TFE3: variants seen among roughly 807,000 people sequenced by gnomAD.
TFE3 encodes the protein transcription factor E3.
Under a neutral mutation model 35.0 loss-of-function variants are expected in TFE3, and 5 were observed. The observed-to-expected ratio is 0.14, with a 90% CI of 0.07 to 0.30. The LOEUF (loss-of-function observed/expected upper bound fraction) is 0.30, where lower values mean the gene tolerates loss of function less well. Ranked by LOEUF, TFE3 falls within the 10% of genes least tolerant of loss-of-function variation. The probability of loss-of-function intolerance (pLI) is 1.00; values close to 1 mark genes in which losing one functional copy is unlikely to be tolerated. For synonymous variants in TFE3, 211 were observed against 215.6 expected, an observed-to-expected ratio of 0.98 and a Z score of 0.18; for missense variants, 374 against 496.6, an observed-to-expected ratio of 0.75 and a Z score of 2.35.
At chrX:49,040,656 G>C (rs7056903) in intron 1 of TFE3, 88 bp from the exon 2 acceptor site, 8,086 of 644,750 alleles carry the variant, frequency 0.013, 49 homozygotes, top group Non-Finnish European at 0.015. Context: ...AGAGAGAGAG[G>C]GGGGGAGAAC....
chrX:49,043,165 G>A lies in TFE3; in HGVS notation c.62C>T (p.Ala21Val), dbSNP rs1557076000. The A allele has an allele frequency of 3.4e-6, 4 of 1,190,941 alleles. No homozygotes were observed. Among genetic ancestry groups the A allele is most frequent in the Non-Finnish European group, 4.5e-6 (4 of 887,805 alleles). The change falls in exon 1 of 10, where the codon GCC becomes GTC. Residue 21 changes from alanine (A) to valine (V), a missense_variant. Ala to Val is a moderately conservative substitution (Grantham distance 64). Around this residue, in one of 3 missense-constraint regions of TFE3, gnomAD observed 90 missense variants for 87.5 expected, o/e 1.03. Coordinates refer to ENST00000315869, the MANE Select transcript of TFE3 (RefSeq NM_006521.6). Reference protein sequence around the residue: ...GVEASAEGPRAVFVLLEERRP... With the variant: ...GVEASAEGPRVVFVLLEERRP... ...GCGCTCCTCCAACAGCACGAACACG[G>A]CTCGAGGGCCCTCCGCGCTGGCCTC...
At position 49,038,358 on chromosome X, in the gene TFE3, G is replaced by A. The variant is rs62600359; in HGVS notation, c.619C>T (p.Leu207Phe). The A allele has an allele frequency of 9.1e-6, 11 of 1,207,146 alleles. No individual in the cohort carries two copies. The highest frequency in any genetic ancestry group is 1.8e-5 in the South Asian group (1 of 56,471). ...GCCTGGGAAGCCAGCTTGGGCCCGAGTGTGGTGGACAGGTACTGTTTCACC... is the reference window on the plus strand; with the variant it reads ...GCCTGGGAAGCCAGCTTGGGCCCGAATGTGGTGGACAGGTACTGTTTCACC... ...QQVKQYLSTT[L>F]GPKLASQALT... The change falls in exon 4 of 10, where the codon CTC becomes TTC. Residue 207 changes from leucine (L) to phenylalanine (F), a missense_variant. By Grantham distance (22) the Leu-to-Phe change is conservative (BLOSUM62 0). This residue lies in a region of TFE3 where 167 missense variants were observed against 297.2 expected (regional missense o/e 0.56). Coordinates refer to ENST00000315869, the MANE Select transcript of TFE3 (RefSeq NM_006521.6).
chrX:49,033,875 G>C, intron 6 of TFE3, 93 bp from the exon 7 acceptor site: 1 of 999,925 alleles, frequency 1.0e-6, no homozygotes, highest in South Asian at 2.1e-5. Flanking sequence ...CAAAAGCAGG[G>C]GAAATGCCTT....
At chrX:49,036,701 C>A (rs2064732553) in intron 5 of TFE3, among the ~76,000 whole-genome samples, 1 of 110,502 alleles carries the variant, frequency 9.0e-6, no homozygotes, top group Admixed American at 9.7e-5. Flanking sequence ...ACTCAGGAGG[C>A]TGAGGCAAGA....
rs782393296 is a variant in TFE3 at position 49,039,356 on chromosome X, C to T, written c.285G>A (p.Ser95=). The T allele has an allele frequency of 9.9e-6, 12 of 1,206,450 alleles. No homozygotes were observed. In the East Asian group the frequency reaches 1.5e-4, roughly 15 times the overall value. Residue 95 remains serine (S), a synonymous_variant, in exon 3 of 10, where the codon TCG becomes TCA. Transcript: ENST00000315869. The stretch of plus-strand genomic sequence containing the variant: ...GGGTCCTGGAGCCCCCTGCAGAAGA[C>T]GATGCAGAGAGTGTAGCTGGGGTGG... The part of the protein sequence containing the change: ...TPATPATLSA[S]SSAGGSRTPA...
intron 5 of TFE3, 128 bp downstream of exon 5, chrX:49,037,881 TA>T: frequency 1.7e-6 from 1 of 573,890 alleles, no homozygotes; most frequent in Non-Finnish European, 2.8e-6. Flanking sequence ...GTTCTCGTCA[TA>T]AGGCCTCCCT....
In TFE3 at chrX:49,033,728, A is replaced by C; in HGVS notation, c.1058T>G (p.Leu353Arg). 1 of 1,211,382 alleles carries C rather than the reference A, an allele frequency of 8.3e-7. No individual in the cohort carries two copies. Among genetic ancestry groups the C allele is most frequent in the Non-Finnish European group, 1.1e-6 (1 of 895,352 alleles). ...KERQKKDNHN[L>R]IERRRRFNIN... ...AATGCACACGCTCTCTGGCTTACTT[A>C]GGTTGTGATTGTCTTTCTTCTGCCG... Residue 353 changes from leucine to arginine, a missense_variant and splice_region_variant, in exon 7 of 10, where the codon CTA becomes CGA. Transcript: ENST00000315869.
Position 49,039,416 on chromosome X carries a change from G to A in TFE3, c.231-6C>T. ...CCTGCAGTGATATTGGGAGGCTGTG[G>A]AATGGGAAATATGGGGCCATATTTT... On this transcript the variant is annotated splice_polypyrimidine_tract_variant and splice_region_variant and intron_variant, in intron 2 of 9. Coordinates refer to ENST00000315869, the MANE Select transcript of TFE3 (RefSeq NM_006521.6). 1 of 1,172,739 alleles carries A rather than the reference G, an allele frequency of 8.5e-7. No individual in the cohort carries two copies. Among genetic ancestry groups the A allele is most frequent in the Non-Finnish European group, 1.1e-6 (1 of 876,094 alleles).
chrX:49,039,161 C>T lies in TFE3; in HGVS notation c.480G>A (p.Gly160=). 8 of 1,202,397 alleles carry T rather than the reference C, an allele frequency of 6.7e-6. No individual in the cohort carries two copies. The highest frequency in any genetic ancestry group is 9.0e-6 in the Non-Finnish European group (8 of 890,141). The stretch of plus-strand genomic sequence containing the variant: ...GGGGTGGACGGCTCAATGTGTGGCC[C>T]CCAGCAGAGACGCCAACCACAGAGA... The part of the protein sequence containing the change: ...PAISVVGVSA[G]GHTLSRPPPA... The change falls in exon 3 of 10, where the codon GGG becomes GGA. Residue 160 remains glycine (G), a synonymous_variant. Coordinates refer to ENST00000315869, the MANE Select transcript of TFE3 (RefSeq NM_006521.6).
chrX:49,042,008 G>A (rs1217299271), intron 1 of TFE3, among the ~76,000 whole-genome samples: 1 of 34,668 alleles, frequency 2.9e-5, no homozygotes, highest in Non-Finnish European at 1.0e-4. Flanking sequence ...AGGCACAAAG[G>A]AGGCAAAGAC....
At chrX:49,040,674 A>T in intron 1 of TFE3, 106 bp from the exon 2 acceptor site, 1 of 558,769 alleles carries the variant, frequency 1.8e-6, no homozygotes, top group Non-Finnish European at 3.0e-6. Flanking sequence ...AACGAAGAGG[A>T]GGGTACAAGC....
intron 2 of TFE3, among the ~76,000 whole-genome samples, chrX:49,039,963 C>T (rs2064751754): frequency 9.1e-6 from 1 of 110,275 alleles, no homozygotes; most frequent in Non-Finnish European, 1.9e-5. Context: ...TGCCCCTCTT[C>T]CCCCTCCCCT....
chrX:49,030,339 G>C lies in TFE3; in HGVS notation c.1547C>G (p.Pro516Arg). 1 of 1,210,494 alleles carries C rather than the reference G, an allele frequency of 8.3e-7. No individual in the cohort carries two copies. Among genetic ancestry groups the C allele is most frequent in the Non-Finnish European group, 1.1e-6 (1 of 895,015 alleles). Reference sequence around the variant, plus strand: ...AATGTCCTCCAGCCCCAGGTGGAAGGGGTCTCCCAGGTCCCCCAGGTGGTC... The same window carrying C: ...AATGTCCTCCAGCCCCAGGTGGAAGCGGTCTCCCAGGTCCCCCAGGTGGTC... ...PSDHLGDLGD[P>R]FHLGLEDILM... Residue 516 changes from proline to arginine, a missense_variant, in exon 10 of 10, where the codon CCC becomes CGC. This residue lies in a region of TFE3 where 117 missense variants were observed against 111.9 expected (regional missense o/e 1.05). Transcript: ENST00000315869.
intron 1 of TFE3, among the ~76,000 whole-genome samples, chrX:49,042,224 G>A (rs1557075850): frequency 9.0e-6 from 1 of 111,564 alleles, no homozygotes; most frequent in African/African-American, 3.3e-5. Flanking sequence ...CAGGAGCTCG[G>A]AGATCGAAAA....
At chrX:49,033,690 A>G in intron 7 of TFE3, 36 bp downstream of exon 7, 5 of 1,208,679 alleles carry the variant, frequency 4.1e-6, no homozygotes, top group Non-Finnish European at 5.6e-6. Context: ...GCAGGCCTGC[A>G]CAGCACCCGG....
rs1557075132 is a variant in TFE3, at chrX:49,038,353, C to T, written c.624G>A (p.Gly208=). ...QVKQYLSTTL[G]PKLASQALTP... ...TGAGGGCCTGGGAAGCCAGCTTGGG[C>T]CCGAGTGTGGTGGACAGGTACTGTT... The change falls in exon 4 of 10, where the codon GGG becomes GGA. Residue 208 remains glycine (G), a synonymous_variant. Transcript: ENST00000315869. 1 of 1,206,515 alleles carries T rather than the reference C, an allele frequency of 8.3e-7. No individual in the cohort carries two copies.
rs1557073295 is a variant in TFE3, at chrX:49,029,732, G to C, written c.*426C>G. 4.5e-6 allele frequency: 2 copies of C among 444,791 alleles called. No individual in the cohort carries two copies. The highest frequency in any genetic ancestry group is 4.6e-5 in the South Asian group (2 of 43,373). 36.7% of individuals were successfully genotyped at this position (444,791 alleles called of 1,213,427 possible). On this transcript the variant is annotated 3_prime_UTR_variant, in exon 10 of 10. Coordinates refer to ENST00000315869, the MANE Select transcript of TFE3 (RefSeq NM_006521.6). ...TGTGCCAGGACGGACTAGACTGGTG[G>C]TTCCAAGACAAAGGATGGAGCAACA...
At chrX:49,030,900 C>A (rs1486473895) in intron 9 of TFE3, among the ~76,000 whole-genome samples, 1 of 110,888 alleles carries the variant, frequency 9.0e-6, no homozygotes, top group Non-Finnish European at 1.9e-5. Flanking sequence ...GCTTGACCAA[C>A]ATGGAGAAAC....
rs903183367 is a variant in TFE3, at chrX:49,042,016, G to C, written c.116+1095C>G. Among the ~76,000 whole-genome samples, 5 of 21,901 alleles carry C rather than the reference G, an allele frequency of 2.3e-4. No homozygotes were observed. In the Non-Finnish European group the frequency reaches 3.9e-3, roughly 17 times the overall value. The allele number at this position is 21,901 out of a possible 115,157, so 19.0% of individuals were successfully genotyped here. The stretch of plus-strand genomic sequence containing the variant: ...CAATCCCAGGCACAAAGGAGGCAAA[G>C]ACCCCCCCCCACCCAGGGCTCACAC... On this transcript the variant is annotated intron_variant, in intron 1 of 9. Coordinates refer to ENST00000315869, the MANE Select transcript of TFE3 (RefSeq NM_006521.6).
Sources: allele counts gnomAD v4.1 joint callset (sites outside exome capture counted in the v4.1 genomes callset), GRCh38; gene constraint gnomAD v4.1.1; regional missense constraint gnomAD v4.1.1; transcripts MANE v1.5; gene names NCBI Gene and HGNC (gene_info 2026-07-23, HGNC 2026-07-21).